Variants in KLHL1 observed in about 807,000 individuals in gnomAD.
KLHL1 encodes the protein kelch like family member 1, also known as kelch-like protein 1.
KLHL1 carries 47 observed loss-of-function variants against 77.7 expected under a neutral mutation model. The ratio of observed to expected loss-of-function variants is 0.60; its 90% confidence interval spans 0.48 to 0.77. KLHL1 has a LOEUF of 0.77. Among genes scored for constraint, KLHL1 ranks in the 30% least tolerant of loss-of-function variants. KLHL1 has a pLI of 0.00. For missense variants in KLHL1, 925 were observed against 910.8 expected (o/e 1.02, Z -0.20); for synonymous variants, 360 against 325.2 (o/e 1.11, Z -1.15).
intron 4 of KLHL1, among the ~76,000 whole-genome samples, chr13:69,921,566 T>G (rs1882636071): frequency 6.6e-6 from 1 of 152,188 alleles, no homozygotes; most frequent in Non-Finnish European, 1.5e-5. Flanking sequence ...ACCAACGCAT[T>G]GTGAAGACAA....
intron 7 of KLHL1, among the ~76,000 whole-genome samples, chr13:69,759,089 C>T (rs1874900293): frequency 6.6e-6 from 1 of 151,774 alleles, no homozygotes; most frequent in African/African-American, 2.4e-5. Context: ...AAGAGAACAC[C>T]TCCCAGCAGG....
At chr13:70,043,244 A>G (rs1886420127) in intron 1 of KLHL1, among the ~76,000 whole-genome samples, 2 of 152,116 alleles carry the variant, frequency 1.3e-5, no homozygotes, top group African/African-American at 4.8e-5. Flanking sequence ...AATACTAAAA[A>G]AAAATAAAAA....
At chr13:69,770,339 AC>A (rs1360997459) in intron 7 of KLHL1, among the ~76,000 whole-genome samples, 5 of 152,236 alleles carry the variant, frequency 3.3e-5, no homozygotes, top group African/African-American at 1.2e-4. Context: ...GCAGGCATGA[AC>A]AAAACTCATG....
intron 7 of KLHL1, among the ~76,000 whole-genome samples, chr13:69,782,424 G>A (rs1306763242): frequency 1.3e-5 from 2 of 152,216 alleles, no homozygotes; most frequent in African/African-American, 4.8e-5. Flanking sequence ...AAAGAAAGGG[G>A]TGACAGACGG....
intron 4 of KLHL1, among the ~76,000 whole-genome samples, chr13:69,895,620 T>C (rs756985412): frequency 1.3e-5 from 2 of 152,090 alleles, no homozygotes; most frequent in African/African-American, 2.4e-5. Flanking sequence ...CAGGTAGTTT[T>C]CTGCTTCAGG....
intron 6 of KLHL1, among the ~76,000 whole-genome samples, chr13:69,832,545 A>G (rs747201914): frequency 1.4e-5 from 2 of 147,806 alleles, no homozygotes; most frequent in Admixed American, 1.4e-4. Context: ...TAAAAATTCA[A>G]TGCAATTCCC....
rs191264601 is a variant in KLHL1 at position 70,029,395 on chromosome 13, A to T, written c.498-53593T>A. 1.6e-3 allele frequency among the ~76,000 whole-genome samples: 246 copies of T among 152,368 alleles called. 1 individual carries two copies. The highest frequency in any genetic ancestry group is 5.6e-3 in the African/African-American group (234 of 41,588). On this transcript the variant is annotated intron_variant, in intron 1 of 10. Coordinates refer to ENST00000377844, the MANE Select transcript of KLHL1 (RefSeq NM_020866.3). ...TCCAACTTGATGAAGGTGAAGCCTG[A>T]TATTTGAAATTTCAGATGTTAGCTT...
chr13:69,796,143 C>T (rs1031193649), intron 7 of KLHL1, among the ~76,000 whole-genome samples: 4 of 152,072 alleles, frequency 2.6e-5, no homozygotes, highest in African/African-American at 9.7e-5. Context: ...TAATATGTAT[C>T]TCAACGGTTT....
At chr13:70,088,842 C>T (rs1887607644) in intron 1 of KLHL1, among the ~76,000 whole-genome samples, 1 of 149,394 alleles carries the variant, frequency 6.7e-6, no homozygotes, top group African/African-American at 2.5e-5. Flanking sequence ...TCCCTTAAAA[C>T]TCATCAGAAA....
At chr13:69,848,287 C>G (rs1193062770) in intron 5 of KLHL1, among the ~76,000 whole-genome samples, 1 of 151,510 alleles carries the variant, frequency 6.6e-6, no homozygotes, top group Non-Finnish European at 1.5e-5. Flanking sequence ...GCTCGTAGCA[C>G]TTCATTAGTG....
chr13:69,993,346 C>T (rs1374313831), intron 1 of KLHL1, among the ~76,000 whole-genome samples: 2 of 151,990 alleles, frequency 1.3e-5, no homozygotes, highest in Non-Finnish European at 2.9e-5. Flanking sequence ...TGGCAATCTT[C>T]ATTTAACTCC....
At chr13:69,854,339 G>A (rs1371567186) in intron 5 of KLHL1, among the ~76,000 whole-genome samples, 2 of 151,964 alleles carry the variant, frequency 1.3e-5, no homozygotes, top group African/African-American at 4.8e-5. Context: ...AGCAAGAAAT[G>A]AAGAAAGAGA....
chr13:69,898,835 A>T (rs1881745802), intron 4 of KLHL1, among the ~76,000 whole-genome samples: 1 of 152,126 alleles, frequency 6.6e-6, no homozygotes, highest in Non-Finnish European at 1.5e-5. Flanking sequence ...GTGCACAAGG[A>T]TTCAATGCCA....
intron 4 of KLHL1, among the ~76,000 whole-genome samples, chr13:69,933,169 T>A (rs984749340): frequency 1.3e-5 from 2 of 151,972 alleles, no homozygotes; most frequent in African/African-American, 4.8e-5. Flanking sequence ...ATTTTGGTAA[T>A]TTTCAACTCA....
intron 1 of KLHL1, among the ~76,000 whole-genome samples, chr13:70,047,581 A>G (rs952608799): frequency 1.3e-5 from 2 of 152,172 alleles, no homozygotes; most frequent in East Asian, 3.9e-4. Context: ...GATTTCATTG[A>G]AAAGATAAAT....
rs35414727 is a variant in KLHL1, at chr13:70,075,540, CATAT to C, written c.497+31659_497+31662del. 3.5e-3 allele frequency among the ~76,000 whole-genome samples: 377 copies of C among 107,656 alleles called. 3 individuals are homozygous for C. Among genetic ancestry groups the C allele is most frequent in the African/African-American group, 0.012 (360 of 28,812 alleles). The allele number at this position is 107,656 out of a possible 152,430, so 70.6% of individuals were successfully genotyped here. A position where few individuals can be genotyped will look rare whatever the true frequency, so the allele number is the denominator to read the frequency against. ...TTATTGCATACTTATATATTGCATA[CATAT>C]ATATATACCTGTGTGTGTGTATGTG... On this transcript the variant is annotated intron_variant, in intron 1 of 10. Transcript: ENST00000377844.
chr13:69,789,444 A>AAAG (rs1876753904), intron 7 of KLHL1, among the ~76,000 whole-genome samples: 1 of 152,142 alleles, frequency 6.6e-6, no homozygotes, highest in African/African-American at 2.4e-5. Flanking sequence ...GATTAAATCC[A>AAAG]AAGTTTTCCT....
At chr13:69,948,968 C>G (rs901155767) in intron 3 of KLHL1, among the ~76,000 whole-genome samples, 1 of 151,846 alleles carries the variant, frequency 6.6e-6, no homozygotes, top group Admixed American at 6.6e-5. Context: ...ATTCAAACCT[C>G]AAAATTGACA....
intron 6 of KLHL1, among the ~76,000 whole-genome samples, chr13:69,808,003 C>T (rs1167876964): frequency 1.3e-5 from 2 of 152,054 alleles, no homozygotes; most frequent in Non-Finnish European, 2.9e-5. Context: ...TGTGGATTGT[C>T]CCTAAGGGAG....
Sources: gnomAD v4.1 joint callset for allele counts (sites outside exome capture counted in the v4.1 genomes callset) on GRCh38, gnomAD v4.1.1 for gene constraint, MANE v1.5 for transcripts, NCBI Gene and HGNC (gene_info 2026-07-23, HGNC 2026-07-21) for gene names.